Variants in BUD23 observed in about 807,000 individuals in gnomAD.
The protein encoded by BUD23 is BUD23 rRNA methyltransferase and ribosome maturation factor.
BUD23 carries 34 observed loss-of-function variants against 47.0 expected under a neutral mutation model. The observed-to-expected ratio is 0.72, with a 90% CI of 0.55 to 0.96. The LOEUF (loss-of-function observed/expected upper bound fraction) is 0.96, where lower values mean the gene tolerates loss of function less well. BUD23 is among the 40% of genes least tolerant of loss of function. The pLI is 0.00. For missense variants in BUD23, 343 were observed against 361.2 expected, an observed-to-expected ratio of 0.95 and a Z score of 0.41; for synonymous variants, 124 against 132.0, an observed-to-expected ratio of 0.94 and a Z score of 0.41.
At chr7:73,685,629 A>G (rs1797936083) in intron 2 of BUD23, among the ~76,000 whole-genome samples, 1 of 152,046 alleles carries the variant, frequency 6.6e-6, no homozygotes, top group Non-Finnish European at 1.5e-5. Context: ...GGATCTGGTA[A>G]GTTGCTCACG....
intron 10 of BUD23, chr7:73,694,253 T>C (rs1178435731): frequency 1.1e-5 from 6 of 556,782 alleles, no homozygotes; most frequent in Non-Finnish European, 9.3e-6. Flanking sequence ...GGTGCAGCCA[T>C]GCAGCCTGGA....
chr7:73,693,017 G>C, intron 7 of BUD23: 1 of 550,992 alleles, frequency 1.8e-6, no homozygotes, highest in Non-Finnish European at 3.3e-6. Flanking sequence ...GTGAAGAGCT[G>C]TTCCTGACTA....
chr7:73,693,176 C>T lies in BUD23; in HGVS notation c.511-153C>T. Reference sequence around the variant, plus strand: ...AGGTGTGGGCCATGCCAGATTCTAGCCTGTACTTTTCTCTACGTGGCTTAC... The same window carrying T: ...AGGTGTGGGCCATGCCAGATTCTAGTCTGTACTTTTCTCTACGTGGCTTAC... On this transcript the variant is annotated intron_variant, in intron 7 of 11. Coordinates refer to ENST00000265758, the MANE Select transcript of BUD23 (RefSeq NM_017528.5). 7.2e-6 allele frequency: 5 copies of T among 697,900 alleles called. No individual in the cohort carries two copies. In the South Asian group the frequency reaches 8.5e-5, roughly 12 times the overall value. 43.2% of individuals were successfully genotyped at this position (697,900 alleles called of 1,614,324 possible).
At chr7:73,686,551 T>C (rs1384970024) in intron 2 of BUD23, 85 bp from the exon 3 acceptor site, 1 of 1,260,488 alleles carries the variant, frequency 7.9e-7, no homozygotes, top group Non-Finnish European at 1.1e-6. Flanking sequence ...TAACTTGGCT[T>C]TTTTTTGTTT....
At chr7:73,685,513 G>T (rs1554612821) in intron 2 of BUD23, among the ~76,000 whole-genome samples, 1 of 152,190 alleles carries the variant, frequency 6.6e-6, no homozygotes, top group Admixed American at 6.5e-5. Context: ...TGCTGCAGTG[G>T]CTGCAACCTC....
chr7:73,691,036 TCTGGGTTAGCTGC>T, intron 6 of BUD23, 24 bp downstream of exon 6: 2 of 1,606,586 alleles, frequency 1.2e-6, no homozygotes, highest in Non-Finnish European at 1.7e-6. Context: ...CTTCTCCCCA[TCTGGGTTAGCTGC>T]CTGTCCCTCC....
Position 73,684,923 on chromosome 7 carries a change from C to CAAAAAAAAA in BUD23, c.86+1147_86+1155dup, listed in dbSNP as rs56229090. Among the ~76,000 whole-genome samples the CAAAAAAAAA allele has an allele frequency of 1.0e-4, 5 of 49,138 alleles. No homozygotes were observed. The East Asian group carries it at 2.2e-3, about 21-fold the overall frequency. The allele number at this position is 49,138 out of a possible 152,430, so 32.2% of individuals were successfully genotyped here. On this transcript the variant is annotated intron_variant, in intron 2 of 11. Transcript: ENST00000265758. ...TGGGCGACAGAGCAAGACTTTGTTT[C>CAAAAAAAAA]AAAAAAAAAAAAAAAAAAAAAAAAA...
At chr7:73,686,777 T>A (rs1797988392) in intron 3 of BUD23, 41 bp from the exon 4 acceptor site, 1 of 1,613,926 alleles carries the variant, frequency 6.2e-7, no homozygotes, top group African/African-American at 1.3e-5. Context: ...TGGTGAAGTG[T>A]CTTTGTAAAC....
At chr7:73,685,236 C>T (rs1379447152) in intron 2 of BUD23, among the ~76,000 whole-genome samples, 1 of 152,200 alleles carries the variant, frequency 6.6e-6, no homozygotes, top group Non-Finnish European at 1.5e-5. Flanking sequence ...GCTGCGATCG[C>T]ACCACTGCAC....
At position 73,694,021 on chromosome 7, in the gene BUD23, AC is replaced by A; in HGVS notation, c.675del (p.Arg226GlyfsTer12). The A allele has an allele frequency of 6.2e-7, 1 of 1,612,258 alleles. No individual in the cohort carries two copies. Among genetic ancestry groups the A allele is most frequent in the Non-Finnish European group, 8.5e-7 (1 of 1,179,516 alleles). On this transcript the variant is annotated frameshift_variant, in exon 10 of 12. Coordinates refer to ENST00000265758, the MANE Select transcript of BUD23 (RefSeq NM_017528.5). LOFTEE classifies it high-confidence loss of function. ...TGAGTGAAAATCAGGATGAAGTTGA[AC>A]CCAGGGAGTCTGTGTTCACCAATGA... ...GLSENQDEVE[P>X]RESVFTNERF... is the part of the protein sequence containing the mutation.
At chr7:73,697,793 CT>C (rs782210394) in intron 11 of BUD23, 38 bp from the exon 12 acceptor site, 11 of 1,611,154 alleles carry the variant, frequency 6.8e-6, no homozygotes, top group Admixed American at 3.4e-5. Context: ...CTGCTTTGAT[CT>C]TTTTTTTCTG....
chr7:73,685,309 GT>G (rs1299569912), intron 2 of BUD23, among the ~76,000 whole-genome samples: 1 of 152,222 alleles, frequency 6.6e-6, no homozygotes, highest in Non-Finnish European at 1.5e-5. Context: ...ATTGGATACT[GT>G]TTCTTTTTTT....
rs879991709 is a variant in BUD23, at chr7:73,697,996, TAA to T, written c.*118_*119del. The T allele has an allele frequency of 1.5e-6, 2 of 1,362,286 alleles. No individual in the cohort carries two copies. Among genetic ancestry groups the T allele is most frequent in the South Asian group, 1.5e-5 (1 of 65,006 alleles). The allele number at this position is 1,362,286 out of a possible 1,614,324, so 84.4% of individuals were successfully genotyped here. On this transcript the variant is annotated 3_prime_UTR_variant, in exon 12 of 12. Transcript: ENST00000265758. The stretch of plus-strand genomic sequence containing the variant: ...AAAGTTATAAAAATGTTTTCTGCAG[TAA>T]AAAAAAAGTTCTCTGGGCCGGGCGT...
Position 73,686,985 on chromosome 7 carries a change from T to C in BUD23, c.266-14T>C. ...GGTATTTCTCTTTCTCTGACTGCCT[T>C]TTCTCTAATGTAGATGAGGCTGTGG... On this transcript the variant is annotated splice_polypyrimidine_tract_variant and intron_variant, in intron 4 of 11. Transcript: ENST00000265758. 1.2e-6 allele frequency: 2 copies of C among 1,614,158 alleles called. No homozygotes were observed. Among genetic ancestry groups the C allele is most frequent in the Non-Finnish European group, 8.5e-7 (1 of 1,180,012 alleles).
At chr7:73,693,844 A>G in intron 9 of BUD23, 148 bp from the exon 10 acceptor site, 1 of 1,301,670 alleles carries the variant, frequency 7.7e-7, no homozygotes, top group Non-Finnish European at 1.1e-6. Flanking sequence ...TCTGCTCTGC[A>G]GGTCCCAGAA....
chr7:73,694,008 A>C lies in BUD23; in HGVS notation c.659A>C (p.Gln220Pro), dbSNP rs1554614488. Reference sequence around the variant, plus strand: ...TTCCTGCAGGGGCTGAGTGAAAATCAGGATGAAGTTGAACCCAGGGAGTCT... The same window carrying C: ...TTCCTGCAGGGGCTGAGTGAAAATCCGGATGAAGTTGAACCCAGGGAGTCT... ...TFIPEGLSEN[Q>P]DEVEPRESVF... Residue 220 changes from glutamine (Q) to proline (P), a missense_variant, in exon 10 of 12, where the codon CAG becomes CCG. Gln to Pro is a moderately conservative substitution (Grantham distance 76, BLOSUM62 -1). Transcript: ENST00000265758. 1 of 1,612,670 alleles carries C rather than the reference A, an allele frequency of 6.2e-7. No homozygotes were observed. The highest frequency in any genetic ancestry group is 8.5e-7 in the Non-Finnish European group (1 of 1,179,644).
chr7:73,692,164 T>G (rs1254748871), intron 6 of BUD23, among the ~76,000 whole-genome samples: 1 of 152,214 alleles, frequency 6.6e-6, no homozygotes, highest in Non-Finnish European at 1.5e-5. Flanking sequence ...GTTCTCCTCC[T>G]GGCACACTGG....
intron 9 of BUD23, 112 bp downstream of exon 9, chr7:73,693,781 CAG>C: frequency 6.8e-7 from 1 of 1,465,102 alleles, no homozygotes; most frequent in Non-Finnish European, 9.5e-7. Flanking sequence ...GGCCCAGCCC[CAG>C]AGTGCAGACC....
At chr7:73,693,898 C>CG in intron 9 of BUD23, 94 bp from the exon 10 acceptor site, 1 of 1,511,064 alleles carries the variant, frequency 6.6e-7, no homozygotes, top group African/African-American at 1.4e-5. Flanking sequence ...TCGTCCCTGT[C>CG]GGAAGGGTCA....
Sources: allele counts gnomAD v4.1 joint callset (sites outside exome capture counted in the v4.1 genomes callset), GRCh38; gene constraint gnomAD v4.1.1; transcripts MANE v1.5; gene names NCBI Gene and HGNC (gene_info 2026-07-23, HGNC 2026-07-21).